Variants in FRMD3 observed in about 807,000 individuals in gnomAD.
FRMD3 encodes FERM domain containing 3, also known as FERM domain-containing protein 3.
Under a neutral mutation model 70.2 loss-of-function variants are expected in FRMD3, and 33 were observed. The ratio of observed to expected loss-of-function variants is 0.47; its 90% CI spans 0.36 to 0.63. FRMD3 has a LOEUF of 0.63. FRMD3 is among the 20% of genes least tolerant of loss of function. The pLI, the probability that FRMD3 is intolerant of heterozygous loss-of-function variation, is 0.00. For missense variants in FRMD3, 632 were observed against 711.4 expected (o/e 0.89, Z 1.27); for synonymous variants, 279 against 255.9 (o/e 1.09, Z -0.86).
At chr9:83,441,022 C>T (rs115018464) in intron 1 of FRMD3, among the ~76,000 whole-genome samples, 1,826 of 152,304 alleles carry the variant, frequency 0.012, 48 homozygotes, top group African/African-American at 0.042. Context: ...ACCCTTCCCT[C>T]TACTGTGGTG....
At position 83,383,661 on chromosome 9, in the gene FRMD3, C is replaced by T. The variant is rs563986206; in HGVS notation, c.252+5943G>A. Among the ~76,000 whole-genome samples the T allele has an allele frequency of 7.9e-5, 12 of 152,330 alleles. No individual in the cohort carries two copies. The East Asian group carries it at 2.3e-3, about 29-fold the overall frequency. On this transcript the variant is annotated intron_variant, in intron 2 of 13. Coordinates refer to ENST00000304195, the MANE Select transcript of FRMD3 (RefSeq NM_174938.6). ...TTTCCCTAACTGATTTCTACCCAGG[C>T]TGTCCCACCACCAACACAGGAAAAA...
At chr9:83,376,178 T>TAAA (rs11398336) in intron 2 of FRMD3, among the ~76,000 whole-genome samples, 23 of 143,716 alleles carry the variant, frequency 1.6e-4, no homozygotes, top group Non-Finnish European at 2.4e-4. Flanking sequence ...AAAAAAAAGT[T>TAAA]AAAAAAAAAA....
chr9:83,391,738 A>G (rs529586056), intron 1 of FRMD3, among the ~76,000 whole-genome samples: 3 of 152,242 alleles, frequency 2.0e-5, no homozygotes, highest in Non-Finnish European at 4.4e-5. Context: ...TGATTAGAGC[A>G]GGCAACCGTG....
chr9:83,416,737 TTC>T (rs1307493551), intron 1 of FRMD3, among the ~76,000 whole-genome samples: 2 of 81,042 alleles, frequency 2.5e-5, no homozygotes, highest in South Asian at 8.0e-4. Flanking sequence ...CCTAAAACAT[TTC>T]TCTCTGTCTC....
At chr9:83,523,034 T>C (rs1829610696) in intron 1 of FRMD3, among the ~76,000 whole-genome samples, 1 of 152,228 alleles carries the variant, frequency 6.6e-6, no homozygotes, top group Admixed American at 6.5e-5. Context: ...TTTATGTGTC[T>C]GTCTGTCTTT....
At chr9:83,303,543 C>T (rs1309870484) in intron 10 of FRMD3, among the ~76,000 whole-genome samples, 3 of 152,156 alleles carry the variant, frequency 2.0e-5, no homozygotes, top group African/African-American at 7.2e-5. Flanking sequence ...CAAAAAATCC[C>T]GGGAGTGATG....
At chr9:83,502,361 C>A (rs532074896) in intron 1 of FRMD3, among the ~76,000 whole-genome samples, 1 of 152,292 alleles carries the variant, frequency 6.6e-6, no homozygotes, top group Non-Finnish European at 1.5e-5. Context: ...CAGGTGCCTG[C>A]TAAAGCTAAA....
chr9:83,553,294 T>C, the FRMD3 span, among the ~76,000 whole-genome samples: 1 of 152,216 alleles, frequency 6.6e-6, no homozygotes. Flanking sequence ...ATGTTGAATA[T>C]AGATCCCCAA....
intron 4 of FRMD3, among the ~76,000 whole-genome samples, chr9:83,347,668 G>A (rs1824007203): frequency 6.6e-6 from 1 of 152,098 alleles, no homozygotes; most frequent in Non-Finnish European, 1.5e-5. Context: ...TCTTAAGCAT[G>A]GTCATGAATA....
chr9:83,316,819 T>C (rs1257353339), intron 6 of FRMD3, among the ~76,000 whole-genome samples: 1 of 152,204 alleles, frequency 6.6e-6, no homozygotes, highest in Non-Finnish European at 1.5e-5. Context: ...TGGAAGGTTT[T>C]CTTAATCCAT....
chr9:83,314,598 G>C (rs1284302557), intron 6 of FRMD3, among the ~76,000 whole-genome samples: 2 of 151,268 alleles, frequency 1.3e-5, no homozygotes, highest in Admixed American at 6.6e-5. Context: ...ATAGCAAAGA[G>C]TCATCATACC....
chr9:83,361,120 A>T (rs1201451510), intron 3 of FRMD3, among the ~76,000 whole-genome samples: 1 of 152,238 alleles, frequency 6.6e-6, no homozygotes, highest in Non-Finnish European at 1.5e-5. Context: ...GAAGCTTTGG[A>T]AGAAGAAAAC....
In FRMD3 at chr9:83,354,659, T is replaced by A. The variant is rs1355482298; in HGVS notation, c.296-4902A>T. The stretch of plus-strand genomic sequence containing the variant: ...TAAACCCTGAATCTAAAATAAAAGT[T>A]AAAAAGAAATTCTGTCTTCATGGAG... On this transcript the variant is annotated intron_variant, in intron 3 of 13. Coordinates refer to ENST00000304195, the MANE Select transcript of FRMD3 (RefSeq NM_174938.6). Among the ~76,000 whole-genome samples, 13 of 152,206 alleles carry A rather than the reference T, an allele frequency of 8.5e-5. No homozygotes were observed. The East Asian group carries it at 2.5e-3, about 29-fold the overall frequency.
the FRMD3 span, among the ~76,000 whole-genome samples, chr9:83,552,388 C>T: frequency 6.6e-6 from 1 of 152,048 alleles, no homozygotes; most frequent in African/African-American, 2.4e-5. Context: ...TGTTTTATGT[C>T]CAATTATGTG....
intron 1 of FRMD3, among the ~76,000 whole-genome samples, chr9:83,476,978 C>G (rs981324520): frequency 1.3e-5 from 2 of 152,136 alleles, no homozygotes; most frequent in Non-Finnish European, 2.9e-5. Context: ...AACCACATCC[C>G]CAGTACCTAA....
the FRMD3 span, among the ~76,000 whole-genome samples, chr9:83,567,430 T>C: frequency 0.011 from 1,702 of 152,326 alleles, 30 homozygotes; most frequent in African/African-American, 0.039. Flanking sequence ...GTCTTGGGGA[T>C]TAACATTAGG....
chr9:83,408,362 A>T (rs750039944), intron 1 of FRMD3, among the ~76,000 whole-genome samples: 3 of 152,130 alleles, frequency 2.0e-5, no homozygotes, highest in African/African-American at 7.2e-5. Flanking sequence ...GGAAAAAAAA[A>T]ATATCACAAA....
chr9:83,347,047 C>T (rs1386231147), intron 4 of FRMD3, among the ~76,000 whole-genome samples: 2 of 152,204 alleles, frequency 1.3e-5, no homozygotes, highest in African/African-American at 4.8e-5. Context: ...GCATTTCTTT[C>T]TACTTTTTGA....
At chr9:83,539,451 T>C (rs1829971528), upstream of FRMD3, among the ~76,000 whole-genome samples, 1 of 152,180 alleles carries the variant, frequency 6.6e-6, no homozygotes, top group Non-Finnish European at 1.5e-5. Context: ...CCTGTTGCTC[T>C]TGCCGGAGCA....
Sources: allele counts gnomAD v4.1 joint callset (sites outside exome capture counted in the v4.1 genomes callset), GRCh38; gene constraint gnomAD v4.1.1; transcripts MANE v1.5; gene names NCBI Gene and HGNC (gene_info 2026-07-23, HGNC 2026-07-21).